The following NMNAT2 variants were observed in gnomAD, a reference collection of about 807,000 sequenced individuals.
The protein encoded by NMNAT2 is nicotinamide nucleotide adenylyltransferase 2, also known as nicotinamide/nicotinic acid mononucleotide adenylyltransferase 2.
In NMNAT2, 11 loss-of-function variants were observed where a neutral mutation model predicts 41.6. The observed-to-expected ratio is 0.26, with a 90% CI of 0.17 to 0.44. The LOEUF (loss-of-function observed/expected upper bound fraction) is 0.44, where lower values mean the gene tolerates loss of function less well. Ranked by LOEUF, NMNAT2 falls within the 20% of genes least tolerant of loss-of-function variation. The pLI, the probability that NMNAT2 is intolerant of heterozygous loss-of-function variation, is 1.00. For synonymous variants in NMNAT2, 148 were observed against 151.2 expected, an observed-to-expected ratio of 0.98 and a Z score of 0.16; for missense variants, 288 against 407.7, an observed-to-expected ratio of 0.71 and a Z score of 2.53.
intron 1 of NMNAT2, among the ~76,000 whole-genome samples, chr1:183,410,876 C>A (rs1649098307): frequency 6.6e-6 from 1 of 151,950 alleles, no homozygotes; most frequent in Non-Finnish European, 1.5e-5. Context: ...TGCCAACACA[C>A]CCAGCTAATT....
chr1:183,274,332 G>T (rs1661069523), intron 8 of NMNAT2, among the ~76,000 whole-genome samples: 1 of 151,182 alleles, frequency 6.6e-6, no homozygotes, highest in Non-Finnish European at 1.5e-5. Context: ...TATTTATTTA[G>T]ACAGAATCTT....
intron 3 of NMNAT2, chr1:183,290,849 C>G (rs182693971): frequency 6.6e-6 from 1 of 152,168 alleles, no homozygotes; most frequent in Non-Finnish European, 1.5e-5. Flanking sequence ...CCAGCCCCTC[C>G]GGGATACTGC....
chr1:183,383,247 G>T (rs901914594), intron 1 of NMNAT2, among the ~76,000 whole-genome samples: 2 of 152,178 alleles, frequency 1.3e-5, no homozygotes, highest in African/African-American at 2.4e-5. Context: ...GTGTCCTGAG[G>T]CTGTGCAGGG....
At chr1:183,371,573 G>T (rs1315175427) in intron 1 of NMNAT2, among the ~76,000 whole-genome samples, 1 of 152,170 alleles carries the variant, frequency 6.6e-6, no homozygotes, top group Non-Finnish European at 1.5e-5. Flanking sequence ...GGGGGAGTCT[G>T]TGGGAAATCT....
At chr1:183,292,903 A>G in intron 2 of NMNAT2, 46 bp from the exon 3 acceptor site, 1 of 1,586,168 alleles carries the variant, frequency 6.3e-7, no homozygotes, top group Admixed American at 1.7e-5. Flanking sequence ...TCCGTTCCCC[A>G]CAACATCCTT....
intron 1 of NMNAT2, among the ~76,000 whole-genome samples, chr1:183,369,218 C>T (rs1324987313): frequency 2.6e-5 from 4 of 151,936 alleles, no homozygotes; most frequent in African/African-American, 4.8e-5. Flanking sequence ...TCTCGCCTCC[C>T]CAAATCCTTT....
intron 8 of NMNAT2, among the ~76,000 whole-genome samples, chr1:183,269,914 C>T (rs1444429269): frequency 6.6e-6 from 1 of 152,058 alleles, no homozygotes; most frequent in Admixed American, 6.6e-5. Flanking sequence ...GACAGAGTCT[C>T]GCTCTGTAGC....
chr1:183,368,996 C>G (rs1663471874), intron 1 of NMNAT2, among the ~76,000 whole-genome samples: 1 of 152,162 alleles, frequency 6.6e-6, no homozygotes, highest in Non-Finnish European at 1.5e-5. Flanking sequence ...GCTGCCTAAT[C>G]ACGGGCATGG....
intron 1 of NMNAT2, among the ~76,000 whole-genome samples, chr1:183,398,042 T>A (rs2101924949): frequency 6.6e-6 from 1 of 152,260 alleles, no homozygotes; most frequent in East Asian, 1.9e-4. Context: ...AATGACAGGA[T>A]CAAATTCACA....
chr1:183,400,537 T>C (rs1407494771), intron 1 of NMNAT2, among the ~76,000 whole-genome samples: 1 of 152,180 alleles, frequency 6.6e-6, no homozygotes, highest in Non-Finnish European at 1.5e-5. Context: ...TACCAATGAC[T>C]TTCTTCACAG....
At position 183,251,495 on chromosome 1, in the gene NMNAT2, G is replaced by C. The variant is rs200834536; in HGVS notation, c.*1146C>G. 6 of 152,338 alleles carry C rather than the reference G, an allele frequency of 3.9e-5. No individual in the cohort carries two copies. The highest frequency in any genetic ancestry group is 6.5e-5 in the Admixed American group (1 of 15,280). The allele number at this position is 152,338 out of a possible 1,614,324, so 9.4% of individuals were successfully genotyped here. On this transcript the variant is annotated 3_prime_UTR_variant, in exon 11 of 11. Transcript: ENST00000287713. ...ACCTCCAGGGTTGAGTGGACTCCTA[G>C]TGTTTTTTTGTTTTGTTTTGTTTTT...
intron 1 of NMNAT2, among the ~76,000 whole-genome samples, chr1:183,315,694 T>C (rs949336534): frequency 2.0e-5 from 3 of 151,128 alleles, no homozygotes; most frequent in Admixed American, 2.0e-4. Context: ...AGGCAGAGAA[T>C]TGCTCGAACC....
intron 1 of NMNAT2, among the ~76,000 whole-genome samples, chr1:183,342,330 C>T (rs1211054209): frequency 6.6e-6 from 1 of 152,006 alleles, no homozygotes. Flanking sequence ...TGTCTCAAAA[C>T]AAAATTTTTC....
chr1:183,307,795 T>TG (rs1662029243), intron 1 of NMNAT2, among the ~76,000 whole-genome samples: 1 of 152,216 alleles, frequency 6.6e-6, no homozygotes, highest in South Asian at 2.1e-4. Context: ...TTGGCCAGTC[T>TG]GGTCTCGAAC....
chr1:183,321,184 T>C lies in NMNAT2; in HGVS notation c.86-27391A>G, dbSNP rs529676374. Among the ~76,000 whole-genome samples, 3 of 152,306 alleles carry C rather than the reference T, an allele frequency of 2.0e-5. No homozygotes were observed. The East Asian group carries it at 5.8e-4, about 29-fold the overall frequency. ...CTTCGTCCCACCAGACGGAATCCTTTAATTTCAACTCAATTTCATAAACGT... is the reference window on the plus strand; with the variant it reads ...CTTCGTCCCACCAGACGGAATCCTTCAATTTCAACTCAATTTCATAAACGT... On this transcript the variant is annotated intron_variant, in intron 1 of 10. Coordinates refer to ENST00000287713, the MANE Select transcript of NMNAT2 (RefSeq NM_015039.4).
At chr1:183,329,754 TG>T (rs796886945) in intron 1 of NMNAT2, among the ~76,000 whole-genome samples, 12 of 152,280 alleles carry the variant, frequency 7.9e-5, no homozygotes, top group African/African-American at 2.9e-4. Flanking sequence ...CAGAGATGGT[TG>T]GTTCCAAGCT....
chr1:183,248,573 G>C lies in NMNAT2; in HGVS notation c.*4068C>G, dbSNP rs1278357612. ...ATTCCTAACCAGAACAGGCTAATAGGACACTCCAAACTCACACTACAAAGA... is the reference window on the plus strand; with the variant it reads ...ATTCCTAACCAGAACAGGCTAATAGCACACTCCAAACTCACACTACAAAGA... On this transcript the variant is annotated 3_prime_UTR_variant, in exon 11 of 11. Coordinates refer to ENST00000287713, the MANE Select transcript of NMNAT2 (RefSeq NM_015039.4). The C allele has an allele frequency of 6.6e-6, 1 of 152,132 alleles. No homozygotes were observed. Among genetic ancestry groups the C allele is most frequent in the African/African-American group, 2.4e-5 (1 of 41,388 alleles). The allele number at this position is 152,132 out of a possible 1,614,324, so 9.4% of individuals were successfully genotyped here.
Position 183,303,396 on chromosome 1 carries a change from A to C in NMNAT2, c.86-9603T>G, listed in dbSNP as rs147243375. Among the ~76,000 whole-genome samples the C allele has an allele frequency of 3.9e-4, 59 of 152,318 alleles. 2 individuals carry two copies. In the East Asian group the frequency reaches 0.011, roughly 27 times the overall value. ...TCTGTATTTTCTCATGTTAAATTTC[A>C]CAGCAACTGTGTAAGTTGTTAGGTG... On this transcript the variant is annotated intron_variant, in intron 1 of 10. Coordinates refer to ENST00000287713, the MANE Select transcript of NMNAT2 (RefSeq NM_015039.4).
intron 1 of NMNAT2, among the ~76,000 whole-genome samples, chr1:183,398,880 C>T (rs991148554): frequency 3.3e-5 from 5 of 152,176 alleles, no homozygotes; most frequent in South Asian, 2.1e-4. Flanking sequence ...AAAGACACAA[C>T]ATACCAGAAT....
Sources: allele counts gnomAD v4.1 joint callset (sites outside exome capture counted in the v4.1 genomes callset), GRCh38; gene constraint gnomAD v4.1.1; transcripts MANE v1.5; gene names NCBI Gene and HGNC (gene_info 2026-07-23, HGNC 2026-07-21).